CNTN3: variants seen among roughly 807,000 people sequenced by gnomAD.
CNTN3 encodes the protein contactin-3.
In CNTN3, 60 loss-of-function variants were observed where a neutral mutation model predicts 119.1. The observed-to-expected ratio is 0.50, with a 90% CI of 0.41 to 0.62. The LOEUF (loss-of-function observed/expected upper bound fraction) is 0.62, where lower values mean the gene tolerates loss of function less well. Ranked by LOEUF, CNTN3 falls within the 20% of genes least tolerant of loss-of-function variation. The pLI, the probability that CNTN3 is intolerant of heterozygous loss-of-function variation, is 0.00. For synonymous variants in CNTN3, 450 were observed against 438.7 expected, an observed-to-expected ratio of 1.03 and a Z score of -0.32; for missense variants, 1,101 against 1,242.4, an observed-to-expected ratio of 0.89 and a Z score of 1.71.
intron 1 of CNTN3, among the ~76,000 whole-genome samples, chr3:74,539,455 T>A (rs1703810736): frequency 6.6e-6 from 1 of 152,060 alleles, no homozygotes; most frequent in Non-Finnish European, 1.5e-5. Context: ...GGCAATAAAG[T>A]GATTTGCCCA....
chr3:74,330,054 C>T (rs912376338), intron 13 of CNTN3, among the ~76,000 whole-genome samples: 2 of 152,028 alleles, frequency 1.3e-5, no homozygotes, highest in Non-Finnish European at 2.9e-5. Flanking sequence ...ACAGTGGTCC[C>T]ATAAGATTAT....
intron 5 of CNTN3, among the ~76,000 whole-genome samples, chr3:74,404,464 C>T (rs1705274594): frequency 1.3e-5 from 2 of 152,098 alleles, no homozygotes; most frequent in Non-Finnish European, 2.9e-5. Flanking sequence ...GCTTATCTCT[C>T]TTTGACTACA....
chr3:74,539,553 C>A (rs1031973899), intron 1 of CNTN3, among the ~76,000 whole-genome samples: 4 of 152,006 alleles, frequency 2.6e-5, no homozygotes, highest in African/African-American at 9.7e-5. Flanking sequence ...CACGTGACTC[C>A]TTCACCAGTT....
intron 1 of CNTN3, among the ~76,000 whole-genome samples, chr3:74,583,983 T>G (rs1704555554): frequency 6.6e-6 from 1 of 152,170 alleles, no homozygotes; most frequent in Admixed American, 6.5e-5. Flanking sequence ...ACTAATTCTC[T>G]CTGAGTCTCA....
At chr3:74,601,756 T>G (rs1704914548) in intron 1 of CNTN3, among the ~76,000 whole-genome samples, 1 of 152,138 alleles carries the variant, frequency 6.6e-6, no homozygotes, top group African/African-American at 2.4e-5. Flanking sequence ...GCCATGTTTT[T>G]TTGTTATGGC....
At chr3:74,499,622 G>T in intron 3 of CNTN3, 37 bp downstream of exon 3, 1 of 1,572,682 alleles carries the variant, frequency 6.4e-7, no homozygotes, top group Non-Finnish European at 8.6e-7. Flanking sequence ...AGTGTGTTTA[G>T]TTTTTTTTAT....
At position 74,379,677 on chromosome 3, in the gene CNTN3, C is replaced by T. The variant is rs758712564; in HGVS notation, c.455-8278G>A. Reference sequence around the variant, plus strand: ...CTCCTATCTCCAGTTGAAGTTCTTTCGGTGGGACTGACTACCCTTCACTCC... The same window carrying T: ...CTCCTATCTCCAGTTGAAGTTCTTTTGGTGGGACTGACTACCCTTCACTCC... On this transcript the variant is annotated intron_variant, in intron 5 of 22. Transcript: ENST00000263665. Among the ~76,000 whole-genome samples, 5 of 152,172 alleles carry T rather than the reference C, an allele frequency of 3.3e-5. 1 individual carries two copies. The highest frequency in any genetic ancestry group is 2.1e-4 in the South Asian group (1 of 4,816).
intron 5 of CNTN3, among the ~76,000 whole-genome samples, chr3:74,393,420 C>G (rs1044467547): frequency 1.3e-5 from 2 of 152,220 alleles, no homozygotes; most frequent in Admixed American, 1.3e-4. Context: ...AATTCTAAAA[C>G]TTTTTAATTT....
chr3:74,301,300 A>G (rs1702447668), intron 16 of CNTN3, 98 bp downstream of exon 16: 5 of 1,241,910 alleles, frequency 4.0e-6, no homozygotes, highest in East Asian at 4.6e-5. Flanking sequence ...ACAATGGATT[A>G]TTGAGGCTGA....
At chr3:74,553,544 T>C (rs1704024709) in intron 1 of CNTN3, among the ~76,000 whole-genome samples, 1 of 152,182 alleles carries the variant, frequency 6.6e-6, no homozygotes, top group Admixed American at 6.5e-5. Flanking sequence ...TAATTTACAC[T>C]CCCACCAACA....
At chr3:74,316,409 A>G (rs1344552418) in intron 13 of CNTN3, among the ~76,000 whole-genome samples, 1 of 152,216 alleles carries the variant, frequency 6.6e-6, no homozygotes, top group Non-Finnish European at 1.5e-5. Context: ...TAGTACAGGC[A>G]TTGTGAAAAG....
chr3:74,312,576 C>T lies in CNTN3; in HGVS notation c.1669-9769G>A, dbSNP rs569387787. Among the ~76,000 whole-genome samples, 547 of 151,804 alleles carry T rather than the reference C, an allele frequency of 3.6e-3. 1 individual carries two copies. The highest frequency in any genetic ancestry group is 4.1e-3 in the Non-Finnish European group (282 of 67,976). On this transcript the variant is annotated intron_variant, in intron 13 of 22. Coordinates refer to ENST00000263665, the MANE Select transcript of CNTN3 (RefSeq NM_020872.3). ...GCCAACTCCAGGCCCCTTAAGCCAT[C>T]CTGTTCCACGTAAGAAGGGACAAAG... is the stretch of plus-strand genomic sequence containing the variant.
At chr3:74,544,932 T>C (rs1703893749) in intron 1 of CNTN3, among the ~76,000 whole-genome samples, 1 of 152,038 alleles carries the variant, frequency 6.6e-6, no homozygotes, top group Non-Finnish European at 1.5e-5. Flanking sequence ...GGGGAAGTAA[T>C]GGAAAAATCT....
Position 74,557,056 on chromosome 3 carries a change from T to A in CNTN3, c.-80-35864A>T, listed in dbSNP as rs140796290. Among the ~76,000 whole-genome samples, 344 of 152,296 alleles carry A rather than the reference T, an allele frequency of 2.3e-3. 4 individuals carry two copies. Among genetic ancestry groups the A allele is most frequent in the African/African-American group, 7.7e-3 (321 of 41,568 alleles). ...TAAGTCCCTTACCAGATACATAATT[T>A]ATAAATATTTCATCCCATTATGTGG... On this transcript the variant is annotated intron_variant, in intron 1 of 22. Coordinates refer to ENST00000263665, the MANE Select transcript of CNTN3 (RefSeq NM_020872.3).
chr3:74,365,535 C>CT (rs754639753), intron 9 of CNTN3, 31 bp downstream of exon 9: 1 of 1,612,790 alleles, frequency 6.2e-7, no homozygotes, highest in East Asian at 2.2e-5. Flanking sequence ...TACCAGGCCT[C>CT]TAAACCCATT....
intron 20 of CNTN3, among the ~76,000 whole-genome samples, chr3:74,280,645 T>G (rs1457804688): frequency 6.6e-6 from 1 of 152,124 alleles, no homozygotes; most frequent in Non-Finnish European, 1.5e-5. Flanking sequence ...GAGACAGTGA[T>G]GGAGAGAGTC....
intron 4 of CNTN3, among the ~76,000 whole-genome samples, chr3:74,440,269 A>G (rs899823444): frequency 6.6e-5 from 10 of 152,198 alleles, no homozygotes; most frequent in African/African-American, 2.4e-4. Flanking sequence ...TGCTTCGCAC[A>G]TATTATATAT....
chr3:74,460,772 CATATATATATATATATATATATATAT>C (rs71129755), intron 4 of CNTN3, among the ~76,000 whole-genome samples: 5 of 89,486 alleles, frequency 5.6e-5, no homozygotes, highest in Non-Finnish European at 9.0e-5. Context: ...TTCTTATTTT[CATATATATATATATATATATATATAT>C]ATATATATAT....
Position 74,263,774 on chromosome 3 carries a change from T to C in CNTN3, c.*627A>G, listed in dbSNP as rs1054572970. The C allele has an allele frequency of 1.3e-5, 2 of 152,094 alleles. No homozygotes were observed. The highest frequency in any genetic ancestry group is 4.8e-5 in the African/African-American group (2 of 41,426). The allele number at this position is 152,094 out of a possible 1,614,324, so 9.4% of individuals were successfully genotyped here. On this transcript the variant is annotated 3_prime_UTR_variant, in exon 23 of 23. Transcript: ENST00000263665. ...GATCAGATAGGTATTATTATCTCCA[T>C]ATTTTATAGAGGAATAATTGAGAGG...
Sources: gnomAD v4.1 joint callset for allele counts (sites outside exome capture counted in the v4.1 genomes callset) on GRCh38, gnomAD v4.1.1 for gene constraint, MANE v1.5 for transcripts, NCBI Gene and HGNC (gene_info 2026-07-23, HGNC 2026-07-21) for gene names.